USP15: variants seen among roughly 807,000 people sequenced by gnomAD.
USP15 encodes ubiquitin specific peptidase 15, also known as ubiquitin carboxyl-terminal hydrolase 15.
USP15 carries 18 observed loss-of-function variants against 127.1 expected under a neutral mutation model. The observed-to-expected ratio is 0.14, with a 90% CI of 0.10 to 0.21. USP15 has a LOEUF of 0.21. USP15 is among the 10% of genes least tolerant of loss of function. The pLI is 1.00. For synonymous variants in USP15, 364 were observed against 393.7 expected (o/e 0.92, Z 0.89); for missense variants, 805 against 1,159.9 (o/e 0.69, Z 4.44).
chr12:62,390,867 A>G lies in USP15; in HGVS notation c.1848A>G (p.Arg616=). The G allele has an allele frequency of 6.2e-7, 1 of 1,604,618 alleles. No individual in the cohort carries two copies. Among genetic ancestry groups the G allele is most frequent in the East Asian group, 2.2e-5 (1 of 44,652 alleles). ...LYNLLLLRMC[R]YVKISTETEE... ...TTGATTTTTGATTTTACTTAAGCCG[A>G]TATGTCAAAATATCTACTGAAACTG... The change falls in exon 15 of 22, where the codon CGA becomes CGG. Residue 616 remains arginine (R), a synonymous_variant. Coordinates refer to ENST00000280377, the MANE Select transcript of USP15 (RefSeq NM_001252078.2).
intron 3 of USP15, among the ~76,000 whole-genome samples, chr12:62,306,782 G>A (rs1486118526): frequency 6.6e-6 from 1 of 152,114 alleles, no homozygotes; most frequent in African/African-American, 2.4e-5. Flanking sequence ...ATAAAACTCA[G>A]AGTATTCTCA....
In USP15 at chr12:62,411,995, A is replaced by T. The variant is rs2068051119; in HGVS notation, c.*7620A>T. On this transcript the variant is annotated 3_prime_UTR_variant, in exon 22 of 22. Coordinates refer to ENST00000280377, the MANE Select transcript of USP15 (RefSeq NM_001252078.2). ...AGGCTTCAACCTGAATTTGGAGGTG[A>T]CACAGTTGAGCCCATAGCAGATATA... is the stretch of plus-strand genomic sequence containing the variant. 1 of 152,186 alleles carries T rather than the reference A, an allele frequency of 6.6e-6. No individual in the cohort carries two copies. The highest frequency in any genetic ancestry group is 6.6e-5 in the Admixed American group (1 of 15,258). The allele number at this position is 152,186 out of a possible 1,614,324, so 9.4% of individuals were successfully genotyped here.
At chr12:62,351,504 G>A (rs140415412) in intron 7 of USP15, among the ~76,000 whole-genome samples, 1 of 151,810 alleles carries the variant, frequency 6.6e-6, no homozygotes, top group Non-Finnish European at 1.5e-5. Context: ...TATAGACTAT[G>A]TTGAATGTAG....
intron 11 of USP15, 64 bp from the exon 12 acceptor site, chr12:62,389,367 A>G: frequency 7.5e-7 from 1 of 1,329,778 alleles, no homozygotes; most frequent in South Asian, 1.3e-5. Context: ...CCATGAGGTC[A>G]CTCTCATTTA....
chr12:62,292,742 C>T (rs67853252), intron 1 of USP15, among the ~76,000 whole-genome samples: 34,082 of 152,056 alleles, frequency 0.22, 4,162 homozygotes, highest in African/African-American at 0.34. Context: ...TCTTGGGGGG[C>T]GCTGGAAAAT....
chr12:62,349,582 CT>C lies in USP15; in HGVS notation c.770+280del, dbSNP rs1263641093. ...TATTTAGAAGTTTGTTAGAACACAA[CT>C]TTTTAGGAAGAATTTAAATTCAGAT... On this transcript the variant is annotated intron_variant, in intron 7 of 21. Coordinates refer to ENST00000280377, the MANE Select transcript of USP15 (RefSeq NM_001252078.2). 5.3e-5 allele frequency among the ~76,000 whole-genome samples: 8 copies of C among 151,906 alleles called. 1 individual carries two copies. The highest frequency in any genetic ancestry group is 1.7e-4 in the African/African-American group (7 of 41,406).
chr12:62,317,361 C>T (rs930623378), intron 4 of USP15, among the ~76,000 whole-genome samples: 1 of 152,126 alleles, frequency 6.6e-6, no homozygotes, highest in African/African-American at 2.4e-5. Flanking sequence ...GATAATGAAG[C>T]TGAGATTTAG....
chr12:62,331,012 A>G (rs2065282281), intron 6 of USP15, among the ~76,000 whole-genome samples: 1 of 152,060 alleles, frequency 6.6e-6, no homozygotes, highest in Non-Finnish European at 1.5e-5. Flanking sequence ...AGCACAGAAC[A>G]CGTAATTTTA....
rs115122249 is a variant in USP15, at chr12:62,370,177, C to G, written c.916-11313C>G. ...TTTAGTAGAGACAGGGTGATCTGCC[C>G]GTCTCGGCCTCCCAAAGTGCTGGGA... is the stretch of plus-strand genomic sequence containing the variant. On this transcript the variant is annotated intron_variant, in intron 8 of 21. Coordinates refer to ENST00000280377, the MANE Select transcript of USP15 (RefSeq NM_001252078.2). Among the ~76,000 whole-genome samples the G allele has an allele frequency of 3.9e-4, 59 of 152,114 alleles. 2 individuals are homozygous for G. Among genetic ancestry groups the G allele is most frequent in the Admixed American group, 3.2e-3 (49 of 15,264 alleles).
intron 2 of USP15, among the ~76,000 whole-genome samples, chr12:62,301,368 C>T (rs2064314699): frequency 1.3e-5 from 2 of 152,188 alleles, no homozygotes; most frequent in African/African-American, 2.4e-5. Flanking sequence ...GCATTTTATC[C>T]ATATGACCGA....
At chr12:62,294,435 A>G (rs1592519607) in intron 2 of USP15, 129 bp downstream of exon 2, 2 of 978,476 alleles carry the variant, frequency 2.0e-6, no homozygotes, top group East Asian at 2.9e-5. Flanking sequence ...ATTTTACCTA[A>G]TGAACTCATT....
chr12:62,362,478 C>T (rs1239698332), intron 8 of USP15, among the ~76,000 whole-genome samples: 1 of 152,116 alleles, frequency 6.6e-6, no homozygotes, highest in African/African-American at 2.4e-5. Flanking sequence ...TATTCAAGTA[C>T]TCCTTTTGGA....
At position 62,389,593 on chromosome 12, in the gene USP15, G is replaced by A. The variant is rs200308201; in HGVS notation, c.1558-12G>A. The A allele has an allele frequency of 1.9e-4, 301 of 1,609,396 alleles. 4 individuals are homozygous for A. The highest frequency in any genetic ancestry group is 8.3e-4 in the Middle Eastern group (5 of 6,054). On this transcript the variant is annotated splice_polypyrimidine_tract_variant and intron_variant, in intron 12 of 21. Coordinates refer to ENST00000280377, the MANE Select transcript of USP15 (RefSeq NM_001252078.2). The stretch of plus-strand genomic sequence containing the variant: ...TGTAAAACCAGCTTAATAGAAATTC[G>A]TTTCCTTTTAGATGATAGTTACTGA...
chr12:62,405,386 G>C lies in USP15; in HGVS notation c.*1011G>C, dbSNP rs1022107530. On this transcript the variant is annotated 3_prime_UTR_variant, in exon 22 of 22. Transcript: ENST00000280377. ...AGGTAGGTCTGTTAACTTTCTTTGTGTGTTCCTGATGGAATTCACCATAGC... is the reference window on the plus strand; with the variant it reads ...AGGTAGGTCTGTTAACTTTCTTTGTCTGTTCCTGATGGAATTCACCATAGC... 6.6e-6 allele frequency: 1 copy of C among 152,430 alleles called. No homozygotes were observed. The highest frequency in any genetic ancestry group is 2.4e-5 in the African/African-American group (1 of 41,414). The allele number at this position is 152,430 out of a possible 1,614,324, so 9.4% of individuals were successfully genotyped here.
At position 62,409,199 on chromosome 12, in the gene USP15, A is replaced by C. The variant is rs1031399974; in HGVS notation, c.*4824A>C. ...CATGGTTTAATTATTCCCCAGCTCT[A>C]CTTTTGGGAGCCTGGAACTTGTCAG... On this transcript the variant is annotated 3_prime_UTR_variant, in exon 22 of 22. Transcript: ENST00000280377. 1.3e-5 allele frequency: 2 copies of C among 152,176 alleles called. No individual in the cohort carries two copies. The highest frequency in any genetic ancestry group is 2.9e-5 in the Non-Finnish European group (2 of 68,018). 9.4% of individuals were successfully genotyped at this position (152,176 alleles called of 1,614,324 possible).
At chr12:62,286,404 A>G (rs2063786606) in intron 1 of USP15, among the ~76,000 whole-genome samples, 3 of 152,198 alleles carry the variant, frequency 2.0e-5, no homozygotes, top group African/African-American at 7.2e-5. Context: ...AGAAAAGGGA[A>G]TGTTTAATAT....
chr12:62,305,963 A>G (rs1417549943), intron 3 of USP15: 1 of 152,180 alleles, frequency 6.6e-6, no homozygotes, highest in Non-Finnish European at 1.5e-5. Context: ...TCAACTGCAT[A>G]TGGCGAGGAC....
In USP15 at chr12:62,344,161, A is replaced by G. The variant is rs113916098; in HGVS notation, c.684-5060A>G. Among the ~76,000 whole-genome samples the G allele has an allele frequency of 2.8e-3, 427 of 152,304 alleles. 2 individuals are homozygous for G. Among genetic ancestry groups the G allele is most frequent in the African/African-American group, 9.7e-3 (405 of 41,562 alleles). On this transcript the variant is annotated intron_variant, in intron 6 of 21. Coordinates refer to ENST00000280377, the MANE Select transcript of USP15 (RefSeq NM_001252078.2). The stretch of plus-strand genomic sequence containing the variant: ...TCAGAAGTACACAGTCCAGTGTCTC[A>G]TTCAAGACAAGGCAAGTCCCTTCCA...
At chr12:62,312,566 A>G (rs1254832227) in intron 3 of USP15, among the ~76,000 whole-genome samples, 3 of 151,680 alleles carry the variant, frequency 2.0e-5, no homozygotes, top group African/African-American at 7.2e-5. Flanking sequence ...TTGGACAAGG[A>G]GCCAGATTTC....
Sources: gnomAD v4.1 joint callset for allele counts (sites outside exome capture counted in the v4.1 genomes callset) on GRCh38, gnomAD v4.1.1 for gene constraint, MANE v1.5 for transcripts, NCBI Gene and HGNC (gene_info 2026-07-23, HGNC 2026-07-21) for gene names.